SPIRE1: variants seen among roughly 807,000 people sequenced by gnomAD.
The protein encoded by SPIRE1 is spire type actin nucleation factor 1, also known as protein spire homolog 1.
A neutral mutation model predicts 94.1 loss-of-function variants in SPIRE1; 40 were observed. The observed-to-expected ratio is 0.43, with a 90% CI of 0.33 to 0.55. The LOEUF (loss-of-function observed/expected upper bound fraction) is 0.55. Among genes scored for constraint, SPIRE1 ranks in the 20% least tolerant of loss-of-function variants. The pLI, the probability that SPIRE1 is intolerant of heterozygous loss-of-function variation, is 0.06. For synonymous variants in SPIRE1, 376 were observed against 371.7 expected, an observed-to-expected ratio of 1.01 and a Z score of -0.13; for missense variants, 838 against 975.2, an observed-to-expected ratio of 0.86 and a Z score of 1.87.
intron 4 of SPIRE1, among the ~76,000 whole-genome samples, chr18:12,529,325 C>T (rs556718659): frequency 1.1e-4 from 16 of 150,978 alleles, no homozygotes; most frequent in South Asian, 6.3e-4. Context: ...GCTGATATTG[C>T]GCCACTGCAC....
intron 12 of SPIRE1, among the ~76,000 whole-genome samples, chr18:12,457,130 C>T (rs1157641878): frequency 1.3e-5 from 2 of 152,104 alleles, no homozygotes; most frequent in African/African-American, 4.8e-5. Flanking sequence ...CGCGCCTGGC[C>T]ATCATGAGAT....
upstream of SPIRE1, chr18:12,662,088 G>A (rs1048469551): frequency 7.1e-6 from 3 of 420,138 alleles, no homozygotes; most frequent in Non-Finnish European, 4.7e-6. Flanking sequence ...GCTGCTCTGA[G>A]TCTTTCAGGG....
intron 8 of SPIRE1, among the ~76,000 whole-genome samples, chr18:12,487,458 G>A (rs1296346936): frequency 6.8e-6 from 1 of 147,102 alleles, no homozygotes; most frequent in Admixed American, 6.9e-5. Flanking sequence ...GGAGTGCAGT[G>A]GCTGCAGTGG....
chr18:12,481,191 G>T (rs557352817), intron 9 of SPIRE1, among the ~76,000 whole-genome samples: 1 of 151,934 alleles, frequency 6.6e-6, no homozygotes, highest in African/African-American at 2.4e-5. Flanking sequence ...TTAGCCAGGC[G>T]TGGTGGTGGA....
chr18:12,549,436 G>GTTTTTTTTTTTTTTTTTTTTTTTT (rs1345452411), intron 2 of SPIRE1, among the ~76,000 whole-genome samples: 6 of 51,936 alleles, frequency 1.2e-4, no homozygotes, highest in Non-Finnish European at 1.5e-4. Context: ...TTTTGTTATT[G>GTTTTTTTTTTTTTTTTTTTTTTTT]TTGTTTTTTT....
At chr18:12,506,720 T>C in intron 5 of SPIRE1, 79 bp from the exon 6 acceptor site, 1 of 1,337,332 alleles carries the variant, frequency 7.5e-7, no homozygotes, top group Non-Finnish European at 1.0e-6. Context: ...ACAGAATAAA[T>C]GAAGAGCTTG....
chr18:12,543,680 G>A, intron 3 of SPIRE1, among the ~76,000 whole-genome samples: 1 of 152,034 alleles, frequency 6.6e-6, no homozygotes, highest in South Asian at 2.1e-4. Flanking sequence ...AGACTATCCG[G>A]GACAAAAGTT....
chr18:12,608,437 A>G (rs1038703167), intron 2 of SPIRE1, among the ~76,000 whole-genome samples: 1 of 152,180 alleles, frequency 6.6e-6, no homozygotes, highest in Non-Finnish European at 1.5e-5. Context: ...TTGTTGCACA[A>G]TAGTTAGACA....
chr18:12,542,072 G>C (rs2035031322), intron 3 of SPIRE1, among the ~76,000 whole-genome samples: 1 of 151,908 alleles, frequency 6.6e-6, no homozygotes, highest in African/African-American at 2.4e-5. Flanking sequence ...TGCTTCCCGG[G>C]TTCAAGTGAT....
intron 1 of SPIRE1, among the ~76,000 whole-genome samples, chr18:12,635,767 A>T (rs1411084891): frequency 6.6e-6 from 1 of 152,234 alleles, no homozygotes; most frequent in Non-Finnish European, 1.5e-5. Context: ...ACAAAAACAT[A>T]CTTCTTAAAC....
intron 1 of SPIRE1, among the ~76,000 whole-genome samples, 160 bp from the exon 2 acceptor site, chr18:12,635,256 C>G (rs2037890984): frequency 6.6e-6 from 1 of 151,788 alleles, no homozygotes; most frequent in Admixed American, 6.6e-5. Flanking sequence ...GAAGGTCCTA[C>G]TTAGAGATTT....
intron 2 of SPIRE1, among the ~76,000 whole-genome samples, chr18:12,582,421 T>C (rs957109359): frequency 1.3e-5 from 2 of 152,158 alleles, no homozygotes; most frequent in East Asian, 3.8e-4. Context: ...AAAAAATATG[T>C]AAAAATAAAG....
At chr18:12,650,580 C>T (rs769411691) in intron 1 of SPIRE1, among the ~76,000 whole-genome samples, 3 of 151,194 alleles carry the variant, frequency 2.0e-5, no homozygotes, top group Non-Finnish European at 3.0e-5. Flanking sequence ...CGTGATGGCA[C>T]GTGCCTGTAG....
In SPIRE1 at chr18:12,535,562, T is replaced by G; in HGVS notation, c.643A>C (p.Asn215His). 1 of 1,613,328 alleles carries G rather than the reference T, an allele frequency of 6.2e-7. No homozygotes were observed. ...AHLPTESDAP[N>H]HYQAVCRALF... ...GCACGACATACTGCCTGATAATGAT[T>G]TGGTGCATCTGATTCAGTAGGGAGA... Residue 215 changes from asparagine to histidine, a missense_variant, in exon 4 of 17, where the codon AAT becomes CAT. By Grantham distance (68) the Asn-to-His change is moderately conservative (BLOSUM62 1). Around this residue, in one of 2 missense-constraint regions of SPIRE1, gnomAD observed 645 missense variants for 804.7 expected, o/e 0.80. Transcript: ENST00000409402.
chr18:12,481,222 C>G (rs140885594), intron 9 of SPIRE1, among the ~76,000 whole-genome samples: 1 of 151,826 alleles, frequency 6.6e-6, no homozygotes, highest in Admixed American at 6.6e-5. Flanking sequence ...CCCAGCTACT[C>G]GAGAGGCTGA....
intron 2 of SPIRE1, among the ~76,000 whole-genome samples, chr18:12,573,242 T>C (rs773557536): frequency 1.3e-5 from 2 of 152,178 alleles, no homozygotes; most frequent in Non-Finnish European, 2.9e-5. Context: ...AAACATTCTC[T>C]ACATCATATG....
chr18:12,617,621 G>A (rs1450346760), intron 2 of SPIRE1, among the ~76,000 whole-genome samples: 1 of 152,088 alleles, frequency 6.6e-6, no homozygotes, highest in Non-Finnish European at 1.5e-5. Context: ...ATTTTGACAA[G>A]GCTGGTCTCA....
chr18:12,528,851 C>T lies in SPIRE1; in HGVS notation c.729+6625G>A, dbSNP rs117587567. ...CAAGACAGATGGTGAGAAACCAGAC[C>T]TACAATAGCTAAACCACAGATTCTT... is the stretch of plus-strand genomic sequence containing the variant. On this transcript the variant is annotated intron_variant, in intron 4 of 16. Transcript: ENST00000409402. Among the ~76,000 whole-genome samples, 204 of 152,256 alleles carry T rather than the reference C, an allele frequency of 1.3e-3. 4 individuals carry two copies. In the East Asian group the frequency reaches 0.032, roughly 24 times the overall value.
At chr18:12,478,164 A>C (rs1177643598) in intron 10 of SPIRE1, among the ~76,000 whole-genome samples, 1 of 152,012 alleles carries the variant, frequency 6.6e-6, no homozygotes, top group Non-Finnish European at 1.5e-5. Flanking sequence ...AGGAGAATTA[A>C]AGAATAATTC....
Sources: allele counts gnomAD v4.1 joint callset (sites outside exome capture counted in the v4.1 genomes callset), GRCh38; gene constraint gnomAD v4.1.1; regional missense constraint gnomAD v4.1.1; transcripts MANE v1.5; gene names NCBI Gene and HGNC (gene_info 2026-07-23, HGNC 2026-07-21).